Variants in AHCTF1 observed in about 807,000 individuals in gnomAD.
AHCTF1 encodes protein ELYS.
AHCTF1 carries 24 observed loss-of-function variants against 248.4 expected under a neutral mutation model. The ratio of observed to expected loss-of-function variants is 0.10; its 90% CI spans 0.07 to 0.14. The LOEUF (loss-of-function observed/expected upper bound fraction) is 0.14, where lower values mean the gene tolerates loss of function less well. Ranked by LOEUF, AHCTF1 falls within the 10% of genes least tolerant of loss-of-function variation. The probability of loss-of-function intolerance (pLI) is 1.00; values close to 1 mark genes in which losing one functional copy is unlikely to be tolerated. For synonymous variants in AHCTF1, 786 were observed against 929.8 expected (o/e 0.85, Z 2.81); for missense variants, 2,206 against 2,636.2 (o/e 0.84, Z 3.57).
chr1:246,893,306 C>A (rs1664346796), intron 14 of AHCTF1, among the ~76,000 whole-genome samples: 1 of 152,168 alleles, frequency 6.6e-6, no homozygotes, highest in Non-Finnish European at 1.5e-5. Context: ...TCTAAAAACA[C>A]TAGAAAGCGC....
At chr1:246,894,938 C>T (rs894401598) in intron 13 of AHCTF1, among the ~76,000 whole-genome samples, 190 bp from the exon 14 acceptor site, 2 of 151,524 alleles carry the variant, frequency 1.3e-5, no homozygotes, top group African/African-American at 4.9e-5. Flanking sequence ...GTAATGCTGC[C>T]GCCAAAAATG....
At chr1:246,862,823 CAAT>C (rs1661672054) in intron 27 of AHCTF1, among the ~76,000 whole-genome samples, 2 of 152,114 alleles carry the variant, frequency 1.3e-5, no homozygotes, top group East Asian at 1.9e-4. Flanking sequence ...CACACGAATC[CAAT>C]AATAACCAAA....
At chr1:246,914,581 C>T (rs1005551786) in intron 3 of AHCTF1, among the ~76,000 whole-genome samples, 2 of 152,016 alleles carry the variant, frequency 1.3e-5, no homozygotes, top group Non-Finnish European at 2.9e-5. Flanking sequence ...TGAGGAGTAG[C>T]GAATCTAAGT....
intron 21 of AHCTF1, among the ~76,000 whole-genome samples, chr1:246,877,864 T>C (rs999200340): frequency 6.6e-6 from 1 of 152,112 alleles, no homozygotes; most frequent in African/African-American, 2.4e-5. Flanking sequence ...TGAAGGAGTG[T>C]TTCTTACACA....
chr1:246,894,145 A>C (rs1572427512), intron 14 of AHCTF1, among the ~76,000 whole-genome samples: 1 of 152,190 alleles, frequency 6.6e-6, no homozygotes. Flanking sequence ...TCAAGGCTGC[A>C]CTGAGCCATG....
intron 4 of AHCTF1, among the ~76,000 whole-genome samples, chr1:246,912,340 A>G (rs1029129092): frequency 6.6e-6 from 1 of 151,882 alleles, no homozygotes; most frequent in Non-Finnish European, 1.5e-5. Flanking sequence ...AAAATTAGCC[A>G]GGCATGGTGG....
At chr1:246,906,163 GAA>G (rs1387814214) in intron 5 of AHCTF1, among the ~76,000 whole-genome samples, 1 of 152,144 alleles carries the variant, frequency 6.6e-6, no homozygotes, top group Non-Finnish European at 1.5e-5. Flanking sequence ...GTTAGAAACT[GAA>G]GAGTTCCCAT....
At position 246,930,139 on chromosome 1, in the gene AHCTF1, TTTTTA is replaced by T. The variant is rs1394948707; in HGVS notation, c.-8+1434_-8+1438del. 3.9e-5 allele frequency among the ~76,000 whole-genome samples: 6 copies of T among 152,162 alleles called. No individual in the cohort carries two copies. The South Asian group carries it at 6.2e-4, about 16-fold the overall frequency. On this transcript the variant is annotated intron_variant, in intron 1 of 35. Coordinates refer to ENST00000648844, the MANE Select transcript of AHCTF1 (RefSeq NM_001323342.2). Reference sequence around the variant, plus strand: ...TCTCAAAACTGATGTATAACGATCTTTTTTATTTTATTTTAGCAACAGGTTCTCGC... The same window carrying T: ...TCTCAAAACTGATGTATAACGATCTTTTTTATTTTAGCAACAGGTTCTCGC...
chr1:246,930,260 C>T (rs922157775), intron 1 of AHCTF1, among the ~76,000 whole-genome samples: 2 of 152,166 alleles, frequency 1.3e-5, no homozygotes, highest in African/African-American at 2.4e-5. Flanking sequence ...ACGTTCCCCC[C>T]GCCTCAGCCT....
intron 33 of AHCTF1, among the ~76,000 whole-genome samples, chr1:246,847,477 T>C (rs1660365209): frequency 1.3e-5 from 2 of 152,128 alleles, no homozygotes; most frequent in African/African-American, 2.4e-5. Flanking sequence ...ACTTCTATTT[T>C]AGAGTTTTCA....
At chr1:246,859,650 TC>T (rs1487654922) in intron 29 of AHCTF1, among the ~76,000 whole-genome samples, 16 of 152,124 alleles carry the variant, frequency 1.1e-4, no homozygotes, top group Admixed American at 7.2e-4. Flanking sequence ...GCTCACTGCA[TC>T]CCCAACCTCG....
chr1:246,884,232 T>C (rs1006646591), intron 21 of AHCTF1, among the ~76,000 whole-genome samples: 4 of 152,232 alleles, frequency 2.6e-5, no homozygotes, highest in Non-Finnish European at 5.9e-5. Flanking sequence ...TAGATTAAGC[T>C]ATCTAAACAT....
chr1:246,904,181 T>C lies in AHCTF1; in HGVS notation c.882-148A>G, dbSNP rs561808779. ...AAAATTTAGTTTTCGGTAATTTTTATAAAAATGTAGTCCTTTGAAATAATA... is the reference window on the plus strand; with the variant it reads ...AAAATTTAGTTTTCGGTAATTTTTACAAAAATGTAGTCCTTTGAAATAATA... On this transcript the variant is annotated intron_variant, in intron 6 of 35. Transcript: ENST00000648844. 4.6e-4 allele frequency: 282 copies of C among 611,262 alleles called. No individual in the cohort carries two copies. The African/African-American group carries it at 5.7e-3, about 12-fold the overall frequency. The allele number at this position is 611,262 out of a possible 1,614,324, so 37.9% of individuals were successfully genotyped here.
At position 246,867,894 on chromosome 1, in the gene AHCTF1, C is replaced by A. The variant is rs1287671076; in HGVS notation, c.3089-83G>T. The A allele has an allele frequency of 4.5e-5, 24 of 535,962 alleles. 1 individual carries two copies. The East Asian group carries it at 8.5e-4, about 19-fold the overall frequency. The allele number at this position is 535,962 out of a possible 1,614,324, so 33.2% of individuals were successfully genotyped here. ...AAGCATATGAAAGAATGATTACACC[C>A]CCCCCCCCACACACACACACACACA... On this transcript the variant is annotated intron_variant, in intron 24 of 35. Transcript: ENST00000648844.
At chr1:246,887,077 CTGA>C in intron 20 of AHCTF1, 131 bp downstream of exon 20, 1 of 929,338 alleles carries the variant, frequency 1.1e-6, no homozygotes, top group East Asian at 2.7e-5. Context: ...GGTAAAGGTA[CTGA>C]TTAAACTGGG....
chr1:246,923,188 G>A (rs1324716141), intron 1 of AHCTF1, among the ~76,000 whole-genome samples: 1 of 151,194 alleles, frequency 6.6e-6, no homozygotes, highest in Non-Finnish European at 1.5e-5. Context: ...GCCGAGGTGG[G>A]CAGATCACCT....
Position 246,850,171 on chromosome 1 carries a change from T to C in AHCTF1, c.5835A>G (p.Pro1945=), listed in dbSNP as rs758376059. Residue 1945 remains proline (P), a synonymous_variant, in exon 33 of 36, where the codon CCA becomes CCG. Transcript: ENST00000648844. The part of the protein sequence containing the change: ...VRRVRGREVS[P]SDVREDSNLE... ...GGTTGGAGTCTTCTCTCACATCTGA[T>C]GGACTAACTTCTCTCCCTCTGACCC... 2 of 1,613,966 alleles carry C rather than the reference T, an allele frequency of 1.2e-6. No homozygotes were observed. The highest frequency in any genetic ancestry group is 8.5e-7 in the Non-Finnish European group (1 of 1,179,860).
chr1:246,911,630 T>A (rs1373566859), intron 4 of AHCTF1, among the ~76,000 whole-genome samples: 2 of 151,840 alleles, frequency 1.3e-5, no homozygotes, highest in Non-Finnish European at 2.9e-5. Context: ...ATTAGAGGCA[T>A]GCGCCACCAC....
chr1:246,909,749 G>A (rs566496645), intron 4 of AHCTF1, among the ~76,000 whole-genome samples: 48 of 152,252 alleles, frequency 3.2e-4, no homozygotes, highest in African/African-American at 1.0e-3. Context: ...CTGTGGTTTC[G>A]GCATCCACTG....
Sources: allele counts gnomAD v4.1 joint callset (sites outside exome capture counted in the v4.1 genomes callset), GRCh38; gene constraint gnomAD v4.1.1; transcripts MANE v1.5; gene names NCBI Gene and HGNC (gene_info 2026-07-23, HGNC 2026-07-21).